Variants in ABCA7 observed in about 807,000 individuals in gnomAD.
The protein encoded by ABCA7 is phospholipid-transporting ATPase ABCA7.
A neutral mutation model predicts 227.6 loss-of-function variants in ABCA7; 261 were observed. The observed-to-expected ratio is 1.15, with a 90% CI of 1.04 to 1.27. ABCA7 has a LOEUF of 1.27. Among genes scored for constraint, ABCA7 ranks in the 50% most tolerant of loss-of-function variants. The probability of loss-of-function intolerance (pLI) is 0.00; values close to 1 mark genes in which losing one functional copy is unlikely to be tolerated. For missense variants in ABCA7, 3,331 were observed against 2,924.5 expected (o/e 1.14, Z -3.21); for synonymous variants, 1,488 against 1,279.7 (o/e 1.16, Z -3.47).
In ABCA7 at chr19:1,043,885, G is replaced by A. The variant is rs545550435; in HGVS notation, c.1047+44G>A. The A allele has an allele frequency of 8.7e-5, 138 of 1,579,704 alleles. 1 individual carries two copies. The highest frequency in any genetic ancestry group is 1.2e-4 in the Non-Finnish European group (136 of 1,151,088). On this transcript the variant is annotated intron_variant, in intron 10 of 46. Transcript: ENST00000263094. ...GAGGTGGGATGTGGCTCCCCGGTGA[G>A]GAGGGTAGACAGGCCCGGTGGATGG...
rs1555681530 is a variant in ABCA7 at position 1,044,262 on chromosome 19, T to TTA, written c.1048-314_1048-313dup. 3.3e-4 allele frequency among the ~76,000 whole-genome samples: 45 copies of TTA among 134,974 alleles called. 4 individuals are homozygous for TTA. The highest frequency in any genetic ancestry group is 1.9e-3 in the East Asian group (8 of 4,196). 88.5% of individuals were successfully genotyped at this position (134,974 alleles called of 152,430 possible). ...GCTTTTTTTTTTTTTTTTTTTTTTT[T>TTA]TAAGAGATGGAGTCTCACTCTGTTG... On this transcript the variant is annotated intron_variant, in intron 10 of 46. Transcript: ENST00000263094.
At chr19:1,042,420 C>T (rs1421561082) in intron 6 of ABCA7, 23 bp downstream of exon 6, 2 of 1,610,452 alleles carry the variant, frequency 1.2e-6, no homozygotes, top group Non-Finnish European at 1.7e-6. Context: ...GGCGGGACCG[C>T]GCTGACTTCC....
Position 1,053,312 on chromosome 19 carries a change from C to A in ABCA7, c.3221-17C>A. ...GCGTGAGCCGGGGCTCCCTGAAGCACCCCTTTGTCCACACAGGCACTCCTC... is the reference window on the plus strand; with the variant it reads ...GCGTGAGCCGGGGCTCCCTGAAGCAACCCTTTGTCCACACAGGCACTCCTC... On this transcript the variant is annotated splice_polypyrimidine_tract_variant and intron_variant, in intron 23 of 46. Transcript: ENST00000263094. 6.2e-7 allele frequency: 1 copy of A among 1,602,564 alleles called. No individual in the cohort carries two copies.
Position 1,047,568 on chromosome 19 carries a change from T to G in ABCA7, c.2183T>G (p.Phe728Cys), listed in dbSNP as rs1404485136. 6.2e-7 allele frequency: 1 copy of G among 1,602,850 alleles called. No individual in the cohort carries two copies. The highest frequency in any genetic ancestry group is 1.3e-5 in the African/African-American group (1 of 74,910). Residue 728 changes from phenylalanine to cysteine, a missense_variant, in exon 16 of 47, where the codon TTC (phenylalanine) becomes TGC (cysteine). By Grantham distance (205) the Phe-to-Cys change is radical. Transcript: ENST00000263094. The part of the protein sequence containing the change: ...NVGTRPTADV[F>C]SLAQVSGLLL... The stretch of plus-strand genomic sequence containing the variant: ...GGCACCCGGCCTACGGCAGACGTCT[T>G]CAGCCTGGCCCAGGTCTCTGGCCTT...
intron 16 of ABCA7, 23 bp downstream of exon 16, chr19:1,047,677 C>G (rs1260591592): frequency 6.4e-7 from 1 of 1,567,426 alleles, no homozygotes; most frequent in Admixed American, 1.7e-5. Context: ...GGGCGGGGCT[C>G]CGGGCCGGGT....
At chr19:1,062,814 G>A (rs1485835303) in intron 42 of ABCA7, among the ~76,000 whole-genome samples, 1 of 149,462 alleles carries the variant, frequency 6.7e-6, no homozygotes, top group African/African-American at 2.5e-5. Flanking sequence ...ACCCATGTTG[G>A]CTCCACCCAC....
intron 18 of ABCA7, among the ~76,000 whole-genome samples, chr19:1,050,415 AAAATAAAAATAAACAAAT>A (rs1383809313): frequency 6.7e-6 from 1 of 150,166 alleles, no homozygotes; most frequent in Non-Finnish European, 1.5e-5. Flanking sequence ...CTGTCACAAA[AAAATAAAAATAAACAAAT>A]AAATAAAAAT....
At chr19:1,044,033 G>A (rs1408482244) in intron 10 of ABCA7, among the ~76,000 whole-genome samples, 192 bp downstream of exon 10, 15 of 150,774 alleles carry the variant, frequency 9.9e-5, no homozygotes, top group African/African-American at 3.7e-4. Flanking sequence ...CACCTCCCGG[G>A]TTCAAGCGAT....
At chr19:1,047,775 CGGGG>C in intron 16 of ABCA7, 121 bp downstream of exon 16, 3 of 971,712 alleles carry the variant, frequency 3.1e-6, no homozygotes, top group Non-Finnish European at 4.1e-6. Flanking sequence ...GGAGAGAAGG[CGGGG>C]CTTCTTGGCA....
At chr19:1,052,161 G>A (rs373228444) in intron 22 of ABCA7, 35 bp downstream of exon 22, 110 of 1,608,448 alleles carry the variant, frequency 6.8e-5, no homozygotes, top group Middle Eastern at 3.3e-4. Flanking sequence ...CCTGACCCCC[G>A]GGACTCTGTT....
Position 1,057,957 on chromosome 19 carries a change from C to T in ABCA7, c.4923C>T (p.Phe1641=). Residue 1641 remains phenylalanine (F), a synonymous_variant, in exon 36 of 47, where the codon TTC becomes TTT. Transcript: ENST00000263094. ...TPLMYPASFF[F]SVPSTAYVVL... The stretch of plus-strand genomic sequence containing the variant: ...TCATGTACCCAGCCTCCTTCTTCTT[C>T]TCCGTGCCCAGCACAGCCTATGTGG... 6.2e-7 allele frequency: 1 copy of T among 1,614,116 alleles called. No individual in the cohort carries two copies. Among genetic ancestry groups the T allele is most frequent in the South Asian group, 1.1e-5 (1 of 91,088 alleles).
chr19:1,051,694 C>A, intron 21 of ABCA7, 108 bp downstream of exon 21: 2 of 1,190,356 alleles, frequency 1.7e-6, no homozygotes, highest in South Asian at 1.4e-5. Flanking sequence ...GTGGACCCCA[C>A]TTGTTGCTAT....
At chr19:1,062,484 G>A (rs1262247098) in intron 42 of ABCA7, among the ~76,000 whole-genome samples, 171 bp downstream of exon 42, 3 of 151,988 alleles carry the variant, frequency 2.0e-5, no homozygotes, top group Non-Finnish European at 4.4e-5. Flanking sequence ...TGGTCCAATA[G>A]GGATGTGGCT....
In ABCA7 at chr19:1,044,967, CCCCAGCGCCTAGGACTCA is replaced by C. The variant is rs762768623; in HGVS notation, c.1216-31_1216-14del. The stretch of plus-strand genomic sequence containing the variant: ...CGGAGTGGTCTAGGAGGCAGGCGGA[CCCCAGCGCCTAGGACTCA>C]CCCCCGCATCCCACAGTGCCTGTCC... On this transcript the variant is annotated splice_polypyrimidine_tract_variant and intron_variant, in intron 11 of 46. Transcript: ENST00000263094. 5 of 1,604,332 alleles carry C rather than the reference CCCCAGCGCCTAGGACTCA, an allele frequency of 3.1e-6. No individual in the cohort carries two copies. The South Asian group carries it at 4.4e-5, about 14-fold the overall frequency.
chr19:1,065,382 G>T lies in ABCA7; in HGVS notation c.6398G>T (p.Ser2133Ile). The T allele has an allele frequency of 6.2e-7, 1 of 1,613,612 alleles. No homozygotes were observed. The highest frequency in any genetic ancestry group is 8.5e-7 in the Non-Finnish European group (1 of 1,179,996). ...GGCCTGCAGCACCCCAAACGCGTCAGCCAGTTCCTCGATGACCCTAGCACT... is the reference window on the plus strand; with the variant it reads ...GGCCTGCAGCACCCCAAACGCGTCATCCAGTTCCTCGATGACCCTAGCACT... ...APGLQHPKRV[S>I]QFLDDPSTAE... The change falls in exon 47 of 47, where the codon AGC becomes ATC. Residue 2133 changes from serine to isoleucine, a missense_variant. By Grantham distance (142) the Ser-to-Ile change is moderately radical. Transcript: ENST00000263094.
chr19:1,063,481 C>T (rs2042821597), intron 42 of ABCA7, 63 bp from the exon 43 acceptor site: 3 of 1,575,008 alleles, frequency 1.9e-6, no homozygotes, highest in Admixed American at 1.7e-5. Context: ...CCCCGCCACA[C>T]TGTGGCCCTG....
Position 1,043,733 on chromosome 19 carries a change from G to A in ABCA7, c.939G>A (p.Arg313=). The change falls in exon 10 of 47, where the codon CGG becomes CGA. Residue 313 remains arginine (R), a synonymous_variant. Transcript: ENST00000263094. ...GGGGGTGCTGTCCACAGGTGAACCG[G>A]ACCTTCGAGGAGCTCACCCTGCTGA... is the stretch of plus-strand genomic sequence containing the variant. ...FTRKLMAQVN[R]TFEELTLLRD... The A allele has an allele frequency of 6.2e-7, 1 of 1,612,726 alleles. No homozygotes were observed. The highest frequency in any genetic ancestry group is 8.5e-7 in the Non-Finnish European group (1 of 1,179,976).
chr19:1,063,479 C>A, intron 42 of ABCA7, 65 bp from the exon 43 acceptor site: 1 of 1,571,882 alleles, frequency 6.4e-7, no homozygotes, highest in Non-Finnish European at 8.6e-7. Flanking sequence ...GGCCCCGCCA[C>A]ACTGTGGCCC....
In ABCA7 at chr19:1,063,590, AC is replaced by A; in HGVS notation, c.5761del (p.Arg1921GlyfsTer58). On this transcript the variant is annotated frameshift_variant, in exon 43 of 47. Coordinates refer to ENST00000263094, the MANE Select transcript of ABCA7 (RefSeq NM_019112.4). LOFTEE classifies it high-confidence loss of function. Reference protein sequence around the residue: ...LARLGLSWYADRPAGTYSGGN... With the variant: ...LARLGLSWYAXRPAGTYSGGN... Reference sequence around the variant, plus strand: ...CGTCTGGGACTCTCATGGTACGCAGACCGGCCTGCAGGCACCTACAGCGGAG... The same window carrying A: ...CGTCTGGGACTCTCATGGTACGCAGACGGCCTGCAGGCACCTACAGCGGAG... 6.2e-7 allele frequency: 1 copy of A among 1,611,190 alleles called. No individual in the cohort carries two copies. The highest frequency in any genetic ancestry group is 8.5e-7 in the Non-Finnish European group (1 of 1,179,930).
Sources: gnomAD v4.1 joint callset for allele counts (sites outside exome capture counted in the v4.1 genomes callset) on GRCh38, gnomAD v4.1.1 for gene constraint, MANE v1.5 for transcripts, NCBI Gene and HGNC (gene_info 2026-07-23, HGNC 2026-07-21) for gene names.